GNB1L: variants seen among roughly 807,000 people sequenced by gnomAD.
GNB1L encodes the protein G protein subunit beta 1 like.
In GNB1L, 20 loss-of-function variants were observed where a neutral mutation model predicts 29.1. The ratio of observed to expected loss-of-function variants is 0.69; its 90% CI spans 0.48 to 1.00. The LOEUF is 1.00. Ranked by LOEUF, GNB1L falls within the 50% of genes least tolerant of loss-of-function variation. The pLI is 0.00. For missense variants in GNB1L, 421 were observed against 464.9 expected (o/e 0.91, Z 0.87); for synonymous variants, 193 against 206.5 (o/e 0.93, Z 0.56).
At position 19,852,437 on chromosome 22, in the gene GNB1L, G is replaced by C. The variant is rs549021535; in HGVS notation, c.-21+2006C>G. 24 of 633,648 alleles carry C rather than the reference G, an allele frequency of 3.8e-5. No individual in the cohort carries two copies. In the South Asian group the frequency reaches 5.0e-4, roughly 13 times the overall value. 39.3% of individuals were successfully genotyped at this position (633,648 alleles called of 1,614,324 possible). On this transcript the variant is annotated intron_variant, in intron 2 of 7. Coordinates refer to ENST00000329517, the MANE Select transcript of GNB1L (RefSeq NM_053004.3). ...AGCTGACAGCTGCAGCCTCAGGAGA[G>C]CTGAGAAGAGCTGAGAGACTGTCAG...
intron 7 of GNB1L, chr22:19,792,427 T>C: frequency 6.4e-7 from 1 of 1,568,358 alleles, no homozygotes; most frequent in Admixed American, 1.7e-5. Flanking sequence ...GGACAGGACA[T>C]CCAGCCCAAA....
chr22:19,812,645 C>T lies in GNB1L; in HGVS notation c.255-198G>A, dbSNP rs1050579946. Among the ~76,000 whole-genome samples the T allele has an allele frequency of 1.4e-4, 22 of 152,200 alleles. No homozygotes were observed. Among genetic ancestry groups the T allele is most frequent in the African/African-American group, 2.4e-4 (10 of 41,442 alleles). ...ACACTTGAGCCAGCACCAAAGTGCC[C>T]GAGGCCAGGACATGCAGTGGATCAA... On this transcript the variant is annotated intron_variant, in intron 4 of 7. Coordinates refer to ENST00000329517, the MANE Select transcript of GNB1L (RefSeq NM_053004.3).
intron 7 of GNB1L, chr22:19,792,578 GCTT>G: frequency 6.3e-7 from 1 of 1,594,698 alleles, no homozygotes; most frequent in South Asian, 1.1e-5. Context: ...CTACTCAGCT[GCTT>G]AAGCTGGCCC....
At chr22:19,822,374 C>G (rs1937586477) in intron 2 of GNB1L, among the ~76,000 whole-genome samples, 1 of 152,208 alleles carries the variant, frequency 6.6e-6, no homozygotes, top group African/African-American at 2.4e-5. Flanking sequence ...CCACCACCCA[C>G]CCAGAGAGGC....
At chr22:19,814,726 C>G (rs536515275) in intron 4 of GNB1L, among the ~76,000 whole-genome samples, 2 of 152,248 alleles carry the variant, frequency 1.3e-5, no homozygotes, top group South Asian at 4.1e-4. Flanking sequence ...ACCTGAGGGG[C>G]GTTCTACAAA....
chr22:19,796,255 A>G (rs567816896), intron 7 of GNB1L, among the ~76,000 whole-genome samples: 1 of 152,320 alleles, frequency 6.6e-6, no homozygotes, highest in African/African-American at 2.4e-5. Context: ...AAAGTGCATA[A>G]AGCAAATACA....
intron 4 of GNB1L, among the ~76,000 whole-genome samples, chr22:19,813,719 G>T (rs1937514953): frequency 6.6e-6 from 1 of 152,104 alleles, no homozygotes; most frequent in African/African-American, 2.4e-5. Flanking sequence ...TAAAGACTGG[G>T]TGCGGTGGCT....
chr22:19,847,580 C>A (rs1025500089), intron 2 of GNB1L: 6 of 985,120 alleles, frequency 6.1e-6, no homozygotes, highest in African/African-American at 1.7e-5. Context: ...CAAGGCCAAC[C>A]TCCAGTCCCT....
intron 7 of GNB1L, among the ~76,000 whole-genome samples, chr22:19,789,268 G>A (rs571112365): frequency 5.9e-5 from 9 of 152,274 alleles, no homozygotes; most frequent in East Asian, 1.9e-4. Flanking sequence ...GCTGGGTCCC[G>A]GGACCCCTCA....
intron 2 of GNB1L, chr22:19,846,346 C>G (rs1937960110): frequency 2.3e-6 from 2 of 866,864 alleles, no homozygotes; most frequent in East Asian, 2.4e-4. Flanking sequence ...TTGTACCCCC[C>G]AGGTAGGGAA....
chr22:19,825,804 A>G (rs1251355251), intron 2 of GNB1L, among the ~76,000 whole-genome samples: 1 of 151,382 alleles, frequency 6.6e-6, no homozygotes, highest in Non-Finnish European at 1.5e-5. Context: ...AAAAAAATAA[A>G]TAAATTAGCT....
chr22:19,831,216 T>C (rs1024315784), intron 2 of GNB1L, among the ~76,000 whole-genome samples: 1 of 150,786 alleles, frequency 6.6e-6, no homozygotes, highest in African/African-American at 2.4e-5. Context: ...CAAAATTATC[T>C]GGGCGCGGTG....
chr22:19,795,656 G>C (rs1039076498), intron 7 of GNB1L, among the ~76,000 whole-genome samples: 10 of 152,258 alleles, frequency 6.6e-5, no homozygotes, highest in Admixed American at 5.2e-4. Context: ...GGAACCTACA[G>C]ATCAAAGAGA....
chr22:19,803,574 G>GA (rs1378418180), intron 6 of GNB1L, among the ~76,000 whole-genome samples: 2 of 152,212 alleles, frequency 1.3e-5, no homozygotes, highest in African/African-American at 2.4e-5. Flanking sequence ...CACCTGCTGG[G>GA]AAATGAGGCG....
In GNB1L at chr22:19,807,317, T is replaced by C. The variant is rs1470916486; in HGVS notation, c.418-560A>G. On this transcript the variant is annotated intron_variant, in intron 5 of 7. Coordinates refer to ENST00000329517, the MANE Select transcript of GNB1L (RefSeq NM_053004.3). ...CTGGGAGATGTGCCATGCCGGCTTG[T>C]GGGGTGTAGGCTCGCTGGTCACACA... is the stretch of plus-strand genomic sequence containing the variant. 5.3e-5 allele frequency among the ~76,000 whole-genome samples: 8 copies of C among 152,224 alleles called. No homozygotes were observed. The East Asian group carries it at 1.2e-3, about 22-fold the overall frequency.
chr22:19,812,726 C>A (rs1291773437), intron 4 of GNB1L, among the ~76,000 whole-genome samples: 1 of 152,200 alleles, frequency 6.6e-6, no homozygotes, highest in Non-Finnish European at 1.5e-5. Flanking sequence ...ACCAACCCTG[C>A]AGTGCTGCAC....
rs143428589 is a variant in GNB1L at position 19,792,654 on chromosome 22, A to G, written c.733-3694T>C. On this transcript the variant is annotated intron_variant, in intron 7 of 7. Coordinates refer to ENST00000329517, the MANE Select transcript of GNB1L (RefSeq NM_053004.3). ...GAGACTGTTGGCCTGGGCTGAGAAG[A>G]AAGCTGCTGGCAAACGGGACGTCCC... is the stretch of plus-strand genomic sequence containing the variant. 53 of 1,545,238 alleles carry G rather than the reference A, an allele frequency of 3.4e-5. No individual in the cohort carries two copies. In the African/African-American group the frequency reaches 6.3e-4, roughly 18 times the overall value.
At chr22:19,849,229 C>T in intron 2 of GNB1L, 1 of 985,350 alleles carries the variant, frequency 1.0e-6, no homozygotes, top group Middle Eastern at 5.2e-4. Flanking sequence ...CCAAGGTTTC[C>T]AGTTGTTTTA....
chr22:19,820,512 C>T, intron 4 of GNB1L, 86 bp downstream of exon 4: 2 of 1,425,360 alleles, frequency 1.4e-6, no homozygotes, highest in Non-Finnish European at 1.9e-6. Flanking sequence ...CCATTCTGCC[C>T]CTCAGTGGGG....
Sources: gnomAD v4.1 joint callset for allele counts (sites outside exome capture counted in the v4.1 genomes callset) on GRCh38, gnomAD v4.1.1 for gene constraint, MANE v1.5 for transcripts, NCBI Gene and HGNC (gene_info 2026-07-23, HGNC 2026-07-21) for gene names.